The following CCBE1 variants were observed in gnomAD, a reference collection of about 807,000 sequenced individuals.
The protein encoded by CCBE1 is collagen and calcium-binding EGF domain-containing protein 1.
CCBE1 carries 37 observed loss-of-function variants against 50.0 expected under a neutral mutation model. The ratio of observed to expected loss-of-function variants is 0.74; its 90% CI spans 0.57 to 0.97. CCBE1 has a LOEUF of 0.97. Among genes scored for constraint, CCBE1 ranks in the 50% least tolerant of loss-of-function variants. The probability of loss-of-function intolerance (pLI) is 0.00; values close to 1 mark genes in which losing one functional copy is unlikely to be tolerated. For synonymous variants in CCBE1, 234 were observed against 203.7 expected, an observed-to-expected ratio of 1.15 and a Z score of -1.27; for missense variants, 538 against 523.8, an observed-to-expected ratio of 1.03 and a Z score of -0.26.
chr18:59,533,750 T>G (rs1382299432), intron 2 of CCBE1, among the ~76,000 whole-genome samples: 1 of 152,214 alleles, frequency 6.6e-6, no homozygotes, highest in Non-Finnish European at 1.5e-5. Flanking sequence ...AATTGTTATT[T>G]TCTTTAAATT....
intron 2 of CCBE1, among the ~76,000 whole-genome samples, chr18:59,668,511 A>G (rs1199971131): frequency 6.6e-6 from 1 of 152,130 alleles, no homozygotes; most frequent in Non-Finnish European, 1.5e-5. Context: ...CTTTGTTCAC[A>G]TAATATATCA....
chr18:59,469,908 C>A (rs1257716168), intron 3 of CCBE1, among the ~76,000 whole-genome samples: 1 of 152,142 alleles, frequency 6.6e-6, no homozygotes, highest in Non-Finnish European at 1.5e-5. Context: ...TCTGCGGATT[C>A]CCTCGGGGTT....
chr18:59,474,161 A>G (rs1363510393), intron 3 of CCBE1, among the ~76,000 whole-genome samples: 3 of 152,164 alleles, frequency 2.0e-5, no homozygotes, highest in Admixed American at 1.3e-4. Context: ...GGTTGATTCC[A>G]TGTCTTTGCT....
At chr18:59,476,337 T>C (rs670465) in intron 3 of CCBE1, among the ~76,000 whole-genome samples, 101,165 of 152,104 alleles carry the variant, frequency 0.67, 34,112 homozygotes, top group East Asian at 0.84. Flanking sequence ...TGTGTCCCCT[T>C]GAGAAACCAG....
chr18:59,529,356 T>C (rs1440460496), intron 2 of CCBE1, among the ~76,000 whole-genome samples: 1 of 152,166 alleles, frequency 6.6e-6, no homozygotes, highest in East Asian at 1.9e-4. Flanking sequence ...CTCAGTTGCC[T>C]TAGGCAGCAG....
At position 59,576,933 on chromosome 18, in the gene CCBE1, C is replaced by T. The variant is rs189930410; in HGVS notation, c.213-96695G>A. 2.6e-5 allele frequency among the ~76,000 whole-genome samples: 4 copies of T among 152,340 alleles called. No individual in the cohort carries two copies. The East Asian group carries it at 7.7e-4, about 29-fold the overall frequency. ...GTTTTTTCTGACTCCTCCCTAATCC[C>T]TTCTCTCTCTGAACTTGACTCTAGA... On this transcript the variant is annotated intron_variant, in intron 2 of 10. Coordinates refer to ENST00000439986, the MANE Select transcript of CCBE1 (RefSeq NM_133459.4).
At chr18:59,474,881 C>T (rs899770787) in intron 3 of CCBE1, among the ~76,000 whole-genome samples, 1 of 152,132 alleles carries the variant, frequency 6.6e-6, no homozygotes, top group Non-Finnish European at 1.5e-5. Flanking sequence ...ACAATTCAAC[C>T]TTTTGGATTG....
At chr18:59,619,721 A>C (rs1025399091) in intron 2 of CCBE1, among the ~76,000 whole-genome samples, 4 of 152,188 alleles carry the variant, frequency 2.6e-5, no homozygotes, top group African/African-American at 4.8e-5. Flanking sequence ...ATTTTCTTCC[A>C]AATCTCATTG....
At chr18:59,683,519 A>G (rs929712979) in intron 2 of CCBE1, among the ~76,000 whole-genome samples, 4 of 151,954 alleles carry the variant, frequency 2.6e-5, no homozygotes, top group African/African-American at 9.7e-5. Flanking sequence ...AACATGGCAA[A>G]ACTGCATTTC....
intron 6 of CCBE1, among the ~76,000 whole-genome samples, chr18:59,452,436 CA>C (rs35831663): frequency 0.058 from 8,829 of 151,826 alleles, 371 homozygotes; most frequent in Middle Eastern, 0.12. Context: ...ACTAAAAATA[CA>C]AAAAAAATTA....
chr18:59,499,575 C>T (rs1211119965), intron 2 of CCBE1, among the ~76,000 whole-genome samples: 1 of 151,028 alleles, frequency 6.6e-6, no homozygotes. Flanking sequence ...TGTAGGGAAA[C>T]TCCCCCTTAT....
At chr18:59,560,890 C>T (rs1330611776) in intron 2 of CCBE1, among the ~76,000 whole-genome samples, 4 of 152,208 alleles carry the variant, frequency 2.6e-5, no homozygotes, top group African/African-American at 4.8e-5. Context: ...TACTAAAGTA[C>T]AAGTCCCTTA....
intron 2 of CCBE1, among the ~76,000 whole-genome samples, chr18:59,646,214 T>TA (rs2054053478): frequency 6.6e-6 from 1 of 152,122 alleles, no homozygotes; most frequent in Admixed American, 6.5e-5. Flanking sequence ...CATAGGAAAC[T>TA]ACGCATGGAA....
intron 2 of CCBE1, among the ~76,000 whole-genome samples, chr18:59,642,720 C>T (rs2043040): frequency 0.45 from 68,610 of 151,744 alleles, 17,164 homozygotes; most frequent in Non-Finnish European, 0.56. Flanking sequence ...GAGGCTGAGG[C>T]AGGTGAATCA....
At chr18:59,674,972 C>T (rs961041066) in intron 2 of CCBE1, among the ~76,000 whole-genome samples, 2 of 152,182 alleles carry the variant, frequency 1.3e-5, no homozygotes, top group Non-Finnish European at 2.9e-5. Flanking sequence ...GCTCAAAAGT[C>T]TTTTCTTCTT....
At chr18:59,446,783 C>A (rs1194574869) in intron 7 of CCBE1, among the ~76,000 whole-genome samples, 2 of 152,218 alleles carry the variant, frequency 1.3e-5, no homozygotes, top group African/African-American at 4.8e-5. Flanking sequence ...CAGGAAGCAT[C>A]TGTGCACTTA....
In CCBE1 at chr18:59,431,986, A is replaced by T. The variant is rs939031016; in HGVS notation, c.*3922T>A. 12 of 152,134 alleles carry T rather than the reference A, an allele frequency of 7.9e-5. No individual in the cohort carries two copies. The highest frequency in any genetic ancestry group is 2.7e-4 in the African/African-American group (11 of 41,404). 9.4% of individuals were successfully genotyped at this position (152,134 alleles called of 1,614,324 possible). A position where few individuals can be genotyped will look rare whatever the true frequency, so the allele number is the denominator to read the frequency against. On this transcript the variant is annotated 3_prime_UTR_variant, in exon 11 of 11. Coordinates refer to ENST00000439986, the MANE Select transcript of CCBE1 (RefSeq NM_133459.4). ...TTTTCTTTTTTCGAGACGGAGTCTCACTCTGTAGCCAGGCTGGAGTGCAGT... is the reference window on the plus strand; with the variant it reads ...TTTTCTTTTTTCGAGACGGAGTCTCTCTCTGTAGCCAGGCTGGAGTGCAGT...
At chr18:59,551,005 AAAAAAAAAAAAAAAAAAAAAAAAAG>A (rs1915897834) in intron 2 of CCBE1, among the ~76,000 whole-genome samples, 1 of 23,586 alleles carries the variant, frequency 4.2e-5, no homozygotes, top group South Asian at 1.2e-3. Flanking sequence ...ACTCAAAAAA[AAAAAAAAAAAAAAAAAAAAAAAAAG>A]AAAAGAAAAG....
intron 2 of CCBE1, among the ~76,000 whole-genome samples, chr18:59,578,198 A>G (rs532288038): frequency 9.5e-4 from 145 of 152,360 alleles, no homozygotes; most frequent in Non-Finnish European, 1.8e-3. Flanking sequence ...AACATGAGAA[A>G]AAGCTCATCA....
Sources: allele counts gnomAD v4.1 joint callset (sites outside exome capture counted in the v4.1 genomes callset), GRCh38; gene constraint gnomAD v4.1.1; transcripts MANE v1.5; gene names NCBI Gene and HGNC (gene_info 2026-07-23, HGNC 2026-07-21).